Variants in ALG12 observed in about 807,000 individuals in gnomAD.
The protein encoded by ALG12 is dol-P-Man:Man(7)GlcNAc(2)-PP-Dol alpha-1,6-mannosyltransferase.
ALG12 carries 36 observed loss-of-function variants against 46.0 expected under a neutral mutation model. The ratio of observed to expected loss-of-function variants is 0.78; its 90% confidence interval spans 0.60 to 1.03. The LOEUF is 1.03. Ranked by LOEUF, ALG12 falls within the 50% of genes least tolerant of loss-of-function variation. The pLI, the probability that ALG12 is intolerant of heterozygous loss-of-function variation, is 0.00. For synonymous variants in ALG12, 326 were observed against 291.6 expected (o/e 1.12, Z -1.20); for missense variants, 599 against 633.5 (o/e 0.95, Z 0.58).
At chr22:49,872,982 T>C in the ALG12 span, among the ~76,000 whole-genome samples, 114,980 of 152,100 alleles carry the variant, frequency 0.76, 45,637 homozygotes, top group East Asian at 0.9. Flanking sequence ...AGGCGTGAAC[T>C]ACCGCGCCCA....
the ALG12 span, among the ~76,000 whole-genome samples, chr22:49,877,855 G>T: frequency 1.3e-5 from 2 of 151,974 alleles, no homozygotes; most frequent in Non-Finnish European, 2.9e-5. Flanking sequence ...TTGGCCTCCC[G>T]CACTCTGCAG....
At chr22:49,912,577 C>CCTTCCCCAGGAACGTGCTA in intron 3 of ALG12, among the ~76,000 whole-genome samples, 1 of 152,336 alleles carries the variant, frequency 6.6e-6, no homozygotes, top group East Asian at 1.9e-4. Flanking sequence ...CAGAACTGCT[C>CCTTCCCCAGGAACGTGCTA]CTTCCCCAGG....
rs769921389 is a variant in ALG12, at chr22:49,907,906, G to A, written c.807C>T (p.Pro269=). The A allele has an allele frequency of 1.2e-6, 2 of 1,613,530 alleles. No homozygotes were observed. Among genetic ancestry groups the A allele is most frequent in the Non-Finnish European group, 1.7e-6 (2 of 1,179,982 alleles). ...PLLWYFYSAL[P]RGLGCSLLFI... ...AGAGCAGGCTGCAGCCCAGGCCGCG[G>A]GGCAGGGCTGAGTAGAAGTACCACA... is the stretch of plus-strand genomic sequence containing the variant. Residue 269 remains proline, a synonymous_variant, in exon 7 of 10, where the codon CCC becomes CCT. Transcript: ENST00000330817.
chr22:49,878,959 A>G, the ALG12 span, among the ~76,000 whole-genome samples: 1 of 151,840 alleles, frequency 6.6e-6, no homozygotes, highest in African/African-American at 2.4e-5. Flanking sequence ...CGTGGCCAAC[A>G]TGGTGAAACC....
the ALG12 span, among the ~76,000 whole-genome samples, chr22:49,880,477 C>T: frequency 1.3e-5 from 2 of 152,260 alleles, no homozygotes; most frequent in African/African-American, 4.8e-5. Context: ...AGCCTGGAAG[C>T]CCCGCCGTGA....
At chr22:49,885,403 C>T in the ALG12 span, 1 of 1,604,228 alleles carries the variant, frequency 6.2e-7, no homozygotes, top group Non-Finnish European at 8.5e-7. Flanking sequence ...CGTGTGCTTG[C>T]ACTGTGGCCG....
intron 1 of ALG12, among the ~76,000 whole-genome samples, chr22:49,914,399 C>T (rs1433694144): frequency 6.6e-6 from 1 of 152,254 alleles, no homozygotes; most frequent in African/African-American, 2.4e-5. Context: ...GCTGTGGACG[C>T]CTGCGCCGAA....
At chr22:49,876,751 C>T in the ALG12 span, among the ~76,000 whole-genome samples, 1 of 151,974 alleles carries the variant, frequency 6.6e-6, no homozygotes, top group Non-Finnish European at 1.5e-5. Context: ...CTGCATTGCT[C>T]GAGTATATCG....
At chr22:49,879,273 C>T in the ALG12 span, among the ~76,000 whole-genome samples, 16 of 151,192 alleles carry the variant, frequency 1.1e-4, no homozygotes, top group South Asian at 4.2e-4. Flanking sequence ...TACAGGCACG[C>T]GCCACCACGC....
At chr22:49,879,227 C>T in the ALG12 span, among the ~76,000 whole-genome samples, 1,455 of 151,112 alleles carry the variant, frequency 9.6e-3, 17 homozygotes, top group South Asian at 0.068. Context: ...CGGGTTCAAG[C>T]GATTCTCCTG....
intron 6 of ALG12, 130 bp downstream of exon 6, chr22:49,909,114 G>A (rs1569175542): frequency 3.1e-6 from 3 of 959,104 alleles, no homozygotes; most frequent in Non-Finnish European, 5.0e-6. Context: ...TGGGAGGGAG[G>A]GGCTCCATCC....
chr22:49,860,863 C>T, the ALG12 span, among the ~76,000 whole-genome samples: 6 of 151,270 alleles, frequency 4.0e-5, no homozygotes, highest in African/African-American at 1.5e-4. Flanking sequence ...ACTGCATCCT[C>T]GGCCTTCCGG....
At chr22:49,861,757 G>T in the ALG12 span, among the ~76,000 whole-genome samples, 1 of 152,296 alleles carries the variant, frequency 6.6e-6, no homozygotes, top group South Asian at 2.1e-4. Flanking sequence ...TGGTTTTTCT[G>T]CTCAGCACAT....
At chr22:49,907,098 T>C (rs560563903) in intron 7 of ALG12, among the ~76,000 whole-genome samples, 1 of 152,110 alleles carries the variant, frequency 6.6e-6, no homozygotes, top group South Asian at 2.1e-4. Context: ...CACCCAGCCA[T>C]AGGCACCTCC....
intron 3 of ALG12, 84 bp from the exon 4 acceptor site, chr22:49,910,691 C>A (rs989000221): frequency 3.1e-5 from 47 of 1,502,702 alleles, no homozygotes. Context: ...CTACACAGAT[C>A]TTTCTATATG....
the ALG12 span, among the ~76,000 whole-genome samples, chr22:49,859,585 G>A: frequency 2.6e-5 from 4 of 152,176 alleles, no homozygotes; most frequent in East Asian, 1.9e-4. Context: ...TCTGGACACC[G>A]AGGTCCAGGC....
chr22:49,886,671 C>G, the ALG12 span: 1 of 1,611,228 alleles, frequency 6.2e-7, no homozygotes, highest in South Asian at 1.1e-5. The surrounding 1 kb of genome is among the most constrained non-coding windows in gnomAD (Gnocchi z 7.7). Flanking sequence ...CGCGGTACGT[C>G]TTCGCCACGC....
At chr22:49,887,064 G>A in the ALG12 span, 1 of 1,614,200 alleles carries the variant, frequency 6.2e-7, no homozygotes, top group South Asian at 1.1e-5. Context: ...CAGAAAAGCT[G>A]TTCAACACAC....
the ALG12 span, among the ~76,000 whole-genome samples, chr22:49,872,225 A>G: frequency 6.6e-6 from 1 of 152,200 alleles, no homozygotes; most frequent in Non-Finnish European, 1.5e-5. Context: ...CTTTATTGTC[A>G]TTTTAACAGT....
Sources: gnomAD v4.1 joint callset for allele counts (sites outside exome capture counted in the v4.1 genomes callset) on GRCh38, gnomAD v4.1.1 for gene constraint, Gnocchi (gnomAD v3.1) non-coding constraint, MANE v1.5 for transcripts, NCBI Gene and HGNC (gene_info 2026-07-23, HGNC 2026-07-21) for gene names.